ANXA7: variants seen among roughly 807,000 people sequenced by gnomAD.
ANXA7 encodes the protein annexin A7.
ANXA7 carries 55 observed loss-of-function variants against 64.9 expected under a neutral mutation model. That is an observed-to-expected ratio of 0.85 (90% CI 0.68 to 1.06). The LOEUF is 1.06. Among genes scored for constraint, ANXA7 ranks in the 50% least tolerant of loss-of-function variants. ANXA7 has a pLI of 0.00. For synonymous variants in ANXA7, 200 were observed against 192.4 expected (o/e 1.04, Z -0.33); for missense variants, 548 against 582.1 (o/e 0.94, Z 0.60).
In ANXA7 at chr10:73,387,101, A is replaced by G. The variant is rs2055386195; in HGVS notation, c.633+588T>C. Among the ~76,000 whole-genome samples the G allele has an allele frequency of 2.6e-5, 4 of 152,248 alleles. No homozygotes were observed. The South Asian group carries it at 8.3e-4, about 31-fold the overall frequency. On this transcript the variant is annotated intron_variant, in intron 7 of 12. Transcript: ENST00000372921. ...CCACTGTAACAGGCAGAAGACTGAGAACCATCCTCTTGATCATGATTGTAG... is the reference window on the plus strand; with the variant it reads ...CCACTGTAACAGGCAGAAGACTGAGGACCATCCTCTTGATCATGATTGTAG...
At chr10:73,393,431 A>C (rs990247172) in intron 5 of ANXA7, among the ~76,000 whole-genome samples, 9 of 152,344 alleles carry the variant, frequency 5.9e-5, no homozygotes, top group Admixed American at 4.6e-4. Flanking sequence ...ACAAAGCTGG[A>C]GGCATCACGC....
intron 1 of ANXA7, among the ~76,000 whole-genome samples, chr10:73,413,266 AT>A (rs1288670970): frequency 6.6e-6 from 1 of 152,186 alleles, no homozygotes; most frequent in Non-Finnish European, 1.5e-5. Flanking sequence ...AAGGTAACTC[AT>A]TACACTCATC....
chr10:73,383,260 T>A lies in ANXA7; in HGVS notation c.833A>T (p.Gln278Leu). 3 of 1,614,142 alleles carry A rather than the reference T, an allele frequency of 1.9e-6. No homozygotes were observed. The highest frequency in any genetic ancestry group is 2.5e-6 in the Non-Finnish European group (3 of 1,179,984). Residue 278 changes from glutamine to leucine, a missense_variant, in exon 9 of 13, where the codon CAG (glutamine) becomes CTG (leucine). Transcript: ENST00000372921. ...QEIREIVRCY[Q>L]SEFGRDLEKD... Reference sequence around the variant, plus strand: ...TTCAAGGTCTCGTCCAAATTCTGACTGATAACATCTGACAATTTCTCGGAT... The same window carrying A: ...TTCAAGGTCTCGTCCAAATTCTGACAGATAACATCTGACAATTTCTCGGAT...
chr10:73,401,265 C>CACA (rs1554818171), intron 1 of ANXA7, among the ~76,000 whole-genome samples: 6,918 of 138,488 alleles, frequency 0.05, 473 homozygotes, highest in African/African-American at 0.17. Flanking sequence ...ACATACACAA[C>CACA]ACACACACAC....
intron 5 of ANXA7, among the ~76,000 whole-genome samples, chr10:73,393,997 T>G (rs2132676125): frequency 6.6e-6 from 1 of 152,182 alleles, no homozygotes; most frequent in East Asian, 1.9e-4. Flanking sequence ...TACAAAGAAC[T>G]TAAACAAATT....
At position 73,387,939 on chromosome 10, in the gene ANXA7, C is replaced by T. The variant is rs149030381; in HGVS notation, c.539-156G>A. 3.4e-3 allele frequency among the ~76,000 whole-genome samples: 508 copies of T among 151,188 alleles called. 4 individuals are homozygous for T. Among genetic ancestry groups the T allele is most frequent in the African/African-American group, 0.012 (475 of 41,066 alleles). On this transcript the variant is annotated intron_variant, in intron 6 of 12. Transcript: ENST00000372921. ...TGATCTAGGCTGACTGCAATCTCCA[C>T]CTCCCAGGTTCAAGCAATTCTCCTG...
At chr10:73,407,074 G>C (rs1479389205) in intron 1 of ANXA7, among the ~76,000 whole-genome samples, 2 of 152,054 alleles carry the variant, frequency 1.3e-5, no homozygotes, top group Non-Finnish European at 2.9e-5. Flanking sequence ...GACTAAAATA[G>C]TGTTTCTCAA....
chr10:73,399,955 A>G (rs1564531240), intron 2 of ANXA7, among the ~76,000 whole-genome samples: 2 of 152,162 alleles, frequency 1.3e-5, no homozygotes, highest in Non-Finnish European at 2.9e-5. Context: ...AAGCCTGGCC[A>G]ACATGGTGAA....
Position 73,396,579 on chromosome 10 carries a change from GCCACCTATA to G in ANXA7, c.371-5_374del. The stretch of plus-strand genomic sequence containing the variant: ...GAGAAGGCATCTGTCCTCCAGGAAA[GCCACCTATA>G]ATGTTAAAAAAAATAATAATAATAC... On this transcript the variant is annotated splice_acceptor_variant and splice_polypyrimidine_tract_variant and coding_sequence_variant and intron_variant, in exon 5 of 13. Transcript: ENST00000372921. LOFTEE classifies it high-confidence loss of function. 6.2e-7 allele frequency: 1 copy of G among 1,605,282 alleles called. No homozygotes were observed.
At chr10:73,396,087 G>A in intron 5 of ANXA7, 1 of 1,599,256 alleles carries the variant, frequency 6.3e-7, no homozygotes, top group Non-Finnish European at 8.6e-7. Flanking sequence ...AACAGGATAG[G>A]AAGAAAAAGA....
intron 2 of ANXA7, among the ~76,000 whole-genome samples, 184 bp from the exon 3 acceptor site, chr10:73,398,569 T>A (rs1350612662): frequency 6.6e-6 from 1 of 152,154 alleles, no homozygotes; most frequent in East Asian, 1.9e-4. Context: ...GGACACTTGT[T>A]TGTCAGAATT....
chr10:73,404,150 T>C (rs897620708), intron 1 of ANXA7, among the ~76,000 whole-genome samples: 3 of 152,238 alleles, frequency 2.0e-5, no homozygotes, highest in African/African-American at 4.8e-5. Context: ...AAAATTAGAA[T>C]GCTTTCTGAT....
At chr10:73,413,550 G>C (rs2055877460) in intron 1 of ANXA7, among the ~76,000 whole-genome samples, 3 of 152,208 alleles carry the variant, frequency 2.0e-5, no homozygotes, top group African/African-American at 7.2e-5. Flanking sequence ...GTACGACCTT[G>C]GCCTGGCGCA....
rs1006552620 is a variant in ANXA7, at chr10:73,397,362, A to G, written c.260-88T>C. 4.6e-5 allele frequency: 29 copies of G among 628,362 alleles called. 2 individuals are homozygous for G. Among genetic ancestry groups the G allele is most frequent in the South Asian group, 3.6e-4 (10 of 28,050 alleles). The allele number at this position is 628,362 out of a possible 1,614,324, so 38.9% of individuals were successfully genotyped here. ...GAAAAATATCTATTGTTAACAGTGG[A>G]AAAATATGCTATTAATGCTATAATA... On this transcript the variant is annotated intron_variant, in intron 3 of 12. Transcript: ENST00000372921.
chr10:73,391,568 C>T (rs1047745664), intron 5 of ANXA7, among the ~76,000 whole-genome samples: 3 of 152,102 alleles, frequency 2.0e-5, no homozygotes, highest in Admixed American at 1.3e-4. Context: ...GCTTTGATCA[C>T]GCCACTGTAC....
In ANXA7 at chr10:73,384,404, T is replaced by C. The variant is rs567060922; in HGVS notation, c.634-714A>G. ...TATCATCTTGTTCTTATTTGTTTTT[T>C]GTTGTTATTTTTTTTGAGACAGAGT... is the stretch of plus-strand genomic sequence containing the variant. On this transcript the variant is annotated intron_variant, in intron 7 of 12. Coordinates refer to ENST00000372921, the MANE Select transcript of ANXA7 (RefSeq NM_001156.5). Among the ~76,000 whole-genome samples, 157 of 152,230 alleles carry C rather than the reference T, an allele frequency of 1.0e-3. 1 individual carries two copies. In the Middle Eastern group the frequency reaches 0.014, roughly 13 times the overall value.
intron 1 of ANXA7, among the ~76,000 whole-genome samples, chr10:73,406,467 T>C (rs2055760137): frequency 6.6e-6 from 1 of 152,224 alleles, no homozygotes; most frequent in Non-Finnish European, 1.5e-5. Context: ...TTTCAGCAAA[T>C]TGCTCTTCAG....
At chr10:73,384,869 A>G (rs945983991) in intron 7 of ANXA7, among the ~76,000 whole-genome samples, 6 of 152,196 alleles carry the variant, frequency 3.9e-5, no homozygotes, top group Non-Finnish European at 2.9e-5. Context: ...ATTAGCATGC[A>G]AAGACGAAGG....
In ANXA7 at chr10:73,396,320, A is replaced by G. The variant is rs953634288; in HGVS notation, c.435+199T>C. ...AATCATTACCTATGAGAATAGACCT[A>G]TGCTTGTCTTCTCAAAGTCATCAGG... is the stretch of plus-strand genomic sequence containing the variant. On this transcript the variant is annotated intron_variant, in intron 5 of 12. Coordinates refer to ENST00000372921, the MANE Select transcript of ANXA7 (RefSeq NM_001156.5). Among the ~76,000 whole-genome samples the G allele has an allele frequency of 7.9e-5, 12 of 152,344 alleles. No individual in the cohort carries two copies. The East Asian group carries it at 2.3e-3, about 29-fold the overall frequency.
Sources: allele counts gnomAD v4.1 joint callset (sites outside exome capture counted in the v4.1 genomes callset), GRCh38; gene constraint gnomAD v4.1.1; transcripts MANE v1.5; gene names NCBI Gene and HGNC (gene_info 2026-07-23, HGNC 2026-07-21).